SPTSSB: variants seen among roughly 807,000 people sequenced by gnomAD.
SPTSSB encodes the protein androgen down regulated in mouse prostate.
In SPTSSB, 6 loss-of-function variants were observed where a neutral mutation model predicts 7.7. That is an observed-to-expected ratio of 0.78 (90% CI 0.43 to 1.54). SPTSSB has a LOEUF of 1.54. SPTSSB is among the 40% of genes most tolerant of loss of function. The pLI is 0.01. For missense variants in SPTSSB, 91 were observed against 93.0 expected (o/e 0.98, Z 0.09); for synonymous variants, 28 against 29.7 (o/e 0.94, Z 0.19).
rs548547601 is a variant in SPTSSB at position 161,345,578 on chromosome 3, G to T, written c.*515C>A. 6.5e-6 allele frequency: 1 copy of T among 152,770 alleles called. No individual in the cohort carries two copies. The highest frequency in any genetic ancestry group is 2.1e-4 in the South Asian group (1 of 4,832). The allele number at this position is 152,770 out of a possible 1,614,324, so 9.5% of individuals were successfully genotyped here. On this transcript the variant is annotated 3_prime_UTR_variant, in exon 3 of 3. Coordinates refer to ENST00000620149, the MANE Select transcript of SPTSSB (RefSeq NM_001040100.2). ...TTATTCTTTTGCATTTGAAGTAAAA[G>T]AATTTCCAGTATCATCAGTTTACTA...
chr3:161,351,101 A>G (rs191889144), intron 2 of SPTSSB, among the ~76,000 whole-genome samples: 2 of 152,304 alleles, frequency 1.3e-5, no homozygotes, highest in Non-Finnish European at 2.9e-5. Flanking sequence ...AGGCATTATG[A>G]CTAATTGTAA....
intron 1 of SPTSSB, among the ~76,000 whole-genome samples, chr3:161,367,337 T>C (rs1715268093): frequency 6.6e-6 from 1 of 152,178 alleles, no homozygotes; most frequent in Non-Finnish European, 1.5e-5. Flanking sequence ...CTCAAAAACA[T>C]ACACATGAAA....
intron 1 of SPTSSB, among the ~76,000 whole-genome samples, chr3:161,369,679 T>C (rs1715423628): frequency 6.6e-6 from 1 of 152,076 alleles, no homozygotes; most frequent in Admixed American, 6.5e-5. Flanking sequence ...TTATCTAGAA[T>C]AGAGCTCTGA....
chr3:161,356,248 A>G (rs1714765670), intron 2 of SPTSSB, among the ~76,000 whole-genome samples: 1 of 152,214 alleles, frequency 6.6e-6, no homozygotes, highest in Non-Finnish European at 1.5e-5. Context: ...ATTCTATGAT[A>G]TGCTTAACTG....
intron 2 of SPTSSB, among the ~76,000 whole-genome samples, chr3:161,353,981 C>T (rs530519419): frequency 6.6e-6 from 1 of 152,136 alleles, no homozygotes; most frequent in East Asian, 1.9e-4. Flanking sequence ...GATTTGGAGT[C>T]CAAGTTTTTA....
chr3:161,354,240 A>G (rs1714671430), intron 2 of SPTSSB, among the ~76,000 whole-genome samples: 1 of 152,252 alleles, frequency 6.6e-6, no homozygotes, highest in African/African-American at 2.4e-5. Flanking sequence ...TACTAGAAGG[A>G]AAAAGTCTCA....
At chr3:161,357,910 A>G (rs532770750) in intron 2 of SPTSSB, among the ~76,000 whole-genome samples, 7 of 152,024 alleles carry the variant, frequency 4.6e-5, no homozygotes, top group African/African-American at 1.7e-4. Context: ...GTATCAGAGA[A>G]CAAACTTCTG....
chr3:161,367,320 T>A (rs1412288434), intron 1 of SPTSSB, among the ~76,000 whole-genome samples: 1 of 152,242 alleles, frequency 6.6e-6, no homozygotes, highest in Non-Finnish European at 1.5e-5. Context: ...ATCAGCATGA[T>A]ATGCTCCTCA....
intron 1 of SPTSSB, among the ~76,000 whole-genome samples, chr3:161,368,746 C>T (rs758339092): frequency 1.2e-4 from 19 of 152,208 alleles, no homozygotes; most frequent in Non-Finnish European, 2.5e-4. Flanking sequence ...CCTTCTACTG[C>T]AGCCTCAGGA....
chr3:161,352,430 CT>C (rs1268365317), intron 2 of SPTSSB, among the ~76,000 whole-genome samples: 1 of 152,224 alleles, frequency 6.6e-6, no homozygotes, highest in Non-Finnish European at 1.5e-5. Flanking sequence ...CAGAAGACCC[CT>C]CCCCTGCAAA....
chr3:161,367,713 T>C (rs1012689345), intron 1 of SPTSSB, among the ~76,000 whole-genome samples: 6 of 152,230 alleles, frequency 3.9e-5, no homozygotes, highest in African/African-American at 1.2e-4. Flanking sequence ...TGTGAAGACT[T>C]CAGTGGCTGC....
intron 2 of SPTSSB, among the ~76,000 whole-genome samples, chr3:161,355,432 C>G (rs1311380634): frequency 6.6e-6 from 1 of 152,066 alleles, no homozygotes; most frequent in East Asian, 1.9e-4. Context: ...TCACAATAGT[C>G]AAAAGATGGA....
chr3:161,351,613 A>AGAG, intron 2 of SPTSSB, among the ~76,000 whole-genome samples: 1 of 146,342 alleles, frequency 6.8e-6, no homozygotes, highest in South Asian at 2.2e-4. Flanking sequence ...GAGAGAGAGA[A>AGAG]AGAGAGAGAG....
chr3:161,367,632 G>T (rs1715277013), intron 1 of SPTSSB, among the ~76,000 whole-genome samples: 1 of 152,190 alleles, frequency 6.6e-6, no homozygotes, highest in Non-Finnish European at 1.5e-5. Flanking sequence ...TTAATTATTT[G>T]GGAGAGTCTC....
intron 2 of SPTSSB, among the ~76,000 whole-genome samples, chr3:161,358,418 CTCAA>C (rs1714874469): frequency 6.6e-6 from 1 of 152,084 alleles, no homozygotes; most frequent in South Asian, 2.1e-4. Flanking sequence ...GGCCAAGTTA[CTCAA>C]TCACTCTGAC....
intron 2 of SPTSSB, among the ~76,000 whole-genome samples, chr3:161,356,999 A>G (rs1392531522): frequency 1.3e-5 from 2 of 152,184 alleles, no homozygotes; most frequent in Non-Finnish European, 2.9e-5. Flanking sequence ...AAAAAAAATA[A>G]AAATAAAAAA....
chr3:161,366,807 T>C (rs985131349), intron 1 of SPTSSB, among the ~76,000 whole-genome samples: 1 of 152,214 alleles, frequency 6.6e-6, no homozygotes, highest in African/African-American at 2.4e-5. Flanking sequence ...AATAAATGAA[T>C]TATTAATCCT....
intron 2 of SPTSSB, among the ~76,000 whole-genome samples, chr3:161,350,753 G>C (rs1367575642): frequency 6.6e-6 from 1 of 152,164 alleles, no homozygotes; most frequent in Non-Finnish European, 1.5e-5. Flanking sequence ...AAAGAACACA[G>C]TATGGAAGGG....
At position 161,362,433 on chromosome 3, in the gene SPTSSB, G is replaced by T. The variant is rs529186107; in HGVS notation, c.-125-2539C>A. ...GAGTTCACATCAAATTTTTTAAGTT[G>T]TTCACTTTGTTTCTTAACTACTTTT... On this transcript the variant is annotated intron_variant, in intron 1 of 2. Transcript: ENST00000620149. 4.6e-5 allele frequency among the ~76,000 whole-genome samples: 7 copies of T among 152,088 alleles called. No homozygotes were observed. In the South Asian group the frequency reaches 1.5e-3, roughly 32 times the overall value.
Sources: gnomAD v4.1 joint callset for allele counts (sites outside exome capture counted in the v4.1 genomes callset) on GRCh38, gnomAD v4.1.1 for gene constraint, MANE v1.5 for transcripts, NCBI Gene and HGNC (gene_info 2026-07-23, HGNC 2026-07-21) for gene names.